Variants in ZNF385D observed in about 807,000 individuals in gnomAD.
ZNF385D encodes zinc finger protein 385D.
ZNF385D carries 15 observed loss-of-function variants against 35.8 expected under a neutral mutation model. That is an observed-to-expected ratio of 0.42 (90% CI 0.28 to 0.64). ZNF385D has a LOEUF of 0.64. Among genes scored for constraint, ZNF385D ranks in the 30% least tolerant of loss-of-function variants. The pLI, the probability that ZNF385D is intolerant of heterozygous loss-of-function variation, is 0.23. For missense variants in ZNF385D, 474 were observed against 494.6 expected, an observed-to-expected ratio of 0.96 and a Z score of 0.39; for synonymous variants, 212 against 186.8, an observed-to-expected ratio of 1.13 and a Z score of -1.10.
At chr3:22,033,679 CAAG>C (rs1698145139) in intron 3 of ZNF385D, among the ~76,000 whole-genome samples, 1 of 151,796 alleles carries the variant, frequency 6.6e-6, no homozygotes, top group Admixed American at 6.6e-5. Flanking sequence ...GTGATTATAA[CAAG>C]AACAATGTCT....
chr3:21,434,307 C>T (rs1030826015), intron 5 of ZNF385D, among the ~76,000 whole-genome samples: 4 of 152,106 alleles, frequency 2.6e-5, no homozygotes, highest in Non-Finnish European at 5.9e-5. Context: ...ACTATTTGCC[C>T]TCAAATCCTT....
intron 2 of ZNF385D, among the ~76,000 whole-genome samples, chr3:22,266,518 T>C (rs9812295): frequency 0.081 from 12,251 of 151,768 alleles, 1,325 homozygotes; most frequent in African/African-American, 0.25. Context: ...TAATTAATAA[T>C]AACAATACCT....
chr3:22,207,935 A>G (rs1309402497), intron 2 of ZNF385D, among the ~76,000 whole-genome samples: 1 of 151,822 alleles, frequency 6.6e-6, no homozygotes, highest in African/African-American at 2.4e-5. Flanking sequence ...AATAACAAAT[A>G]CTAGGGAGGA....
chr3:21,607,751 A>G (rs2064527172), intron 2 of ZNF385D, among the ~76,000 whole-genome samples: 1 of 152,176 alleles, frequency 6.6e-6, no homozygotes, highest in African/African-American at 2.4e-5. Flanking sequence ...AAAAGCTAGT[A>G]AGAGAGACAG....
At chr3:21,541,600 T>A (rs1415925768) in intron 3 of ZNF385D, among the ~76,000 whole-genome samples, 1 of 152,198 alleles carries the variant, frequency 6.6e-6, no homozygotes, top group Non-Finnish European at 1.5e-5. Context: ...TTCTTAAATT[T>A]CTTTGCTCAT....
At chr3:21,949,405 A>G (rs1349785924) in intron 3 of ZNF385D, among the ~76,000 whole-genome samples, 1 of 151,360 alleles carries the variant, frequency 6.6e-6, no homozygotes. Context: ...TGGGGTGGCT[A>G]TCTTTATTGT....
intron 3 of ZNF385D, among the ~76,000 whole-genome samples, chr3:21,943,573 T>C (rs1701638060): frequency 6.6e-6 from 1 of 151,906 alleles, no homozygotes. Flanking sequence ...AAAAGAAAAA[T>C]AGCAACATGT....
intron 2 of ZNF385D, among the ~76,000 whole-genome samples, chr3:22,250,622 A>G (rs767214931): frequency 3.9e-4 from 59 of 152,118 alleles, no homozygotes; most frequent in Non-Finnish European, 7.1e-4. Context: ...TTCAAAAGTT[A>G]AGAATTTCTG....
At chr3:22,197,787 TTGA>T (rs1275125604) in intron 2 of ZNF385D, among the ~76,000 whole-genome samples, 2 of 152,114 alleles carry the variant, frequency 1.3e-5, no homozygotes, top group African/African-American at 4.8e-5. Context: ...GACAAATGAC[TTGA>T]TGAACAAAAG....
chr3:22,179,395 A>T (rs2125775941), intron 2 of ZNF385D, among the ~76,000 whole-genome samples: 2 of 152,318 alleles, frequency 1.3e-5, no homozygotes, highest in African/African-American at 4.8e-5. Context: ...TGTGTCTGTT[A>T]TTGGTGTATA....
Position 21,465,605 on chromosome 3 carries a change from G to A in ZNF385D, c.440-28402C>T, listed in dbSNP as rs1703462040. 6.6e-6 allele frequency among the ~76,000 whole-genome samples: 1 copy of A among 152,176 alleles called. No homozygotes were observed. Among genetic ancestry groups the A allele is most frequent in the Non-Finnish European group, 1.5e-5 (1 of 68,034 alleles). On this transcript the variant is annotated intron_variant, in intron 4 of 7. Transcript: ENST00000281523. The surrounding 1 kb of genome is among the most constrained non-coding windows in gnomAD (Gnocchi z 4.2). Reference sequence around the variant, plus strand: ...ATACATCCTTCCAGAATGTATTCGAGTTATGCATATTTCCTGGCACTCTTG... The same window carrying A: ...ATACATCCTTCCAGAATGTATTCGAATTATGCATATTTCCTGGCACTCTTG...
intron 2 of ZNF385D, among the ~76,000 whole-genome samples, chr3:22,314,694 T>C (rs1388143176): frequency 6.6e-6 from 1 of 152,168 alleles, no homozygotes; most frequent in Non-Finnish European, 1.5e-5. Context: ...TTCTACTTTC[T>C]TGGGAGTGAT....
At chr3:21,831,063 A>G (rs1694960383) in intron 3 of ZNF385D, among the ~76,000 whole-genome samples, 1 of 152,232 alleles carries the variant, frequency 6.6e-6, no homozygotes, top group African/African-American at 2.4e-5. Context: ...GAGACTGAAT[A>G]TAAGCATGAG....
intron 3 of ZNF385D, among the ~76,000 whole-genome samples, chr3:22,115,236 A>G (rs1440479055): frequency 6.6e-6 from 1 of 152,068 alleles, no homozygotes; most frequent in East Asian, 1.9e-4. Context: ...AGCAAAATTT[A>G]CAAGAACCAG....
intron 3 of ZNF385D, among the ~76,000 whole-genome samples, chr3:21,760,302 G>C (rs1025475691): frequency 6.6e-6 from 1 of 152,192 alleles, no homozygotes; most frequent in African/African-American, 2.4e-5. Context: ...ACAGCCATAC[G>C]TGAATACAAC....
At chr3:22,074,004 A>C (rs931847114) in intron 3 of ZNF385D, among the ~76,000 whole-genome samples, 1 of 151,922 alleles carries the variant, frequency 6.6e-6, no homozygotes, top group Non-Finnish European at 1.5e-5. Context: ...ACATTGTCTT[A>C]ATGTTCTCTT....
chr3:22,189,411 C>T (rs1170140662), intron 2 of ZNF385D, among the ~76,000 whole-genome samples: 1 of 152,082 alleles, frequency 6.6e-6, no homozygotes, highest in East Asian at 1.9e-4. Context: ...ACATTGCTAG[C>T]CTCAGTCTAT....
intron 3 of ZNF385D, among the ~76,000 whole-genome samples, chr3:21,932,134 T>G (rs546532591): frequency 8.7e-6 from 1 of 115,092 alleles, no homozygotes; most frequent in African/African-American, 3.4e-5. Context: ...GCCCCTGCAC[T>G]CCGGCCTGGG....
intron 3 of ZNF385D, among the ~76,000 whole-genome samples, chr3:22,131,457 A>G (rs577069576): frequency 7.9e-5 from 12 of 152,304 alleles, no homozygotes; most frequent in African/African-American, 2.6e-4. Context: ...AAGTAGAGAG[A>G]AAAATGAAGT....
Sources: allele counts gnomAD v4.1 joint callset (sites outside exome capture counted in the v4.1 genomes callset), GRCh38; gene constraint gnomAD v4.1.1; non-coding constraint Gnocchi (gnomAD v3.1); transcripts MANE v1.5; gene names NCBI Gene and HGNC (gene_info 2026-07-23, HGNC 2026-07-21).